The following TENM3 variants were observed in gnomAD, a reference collection of about 807,000 sequenced individuals.
TENM3 encodes the protein teneurin transmembrane protein 3.
A neutral mutation model predicts 255.1 loss-of-function variants in TENM3; 63 were observed. The ratio of observed to expected loss-of-function variants is 0.25; its 90% confidence interval spans 0.20 to 0.30. The LOEUF (loss-of-function observed/expected upper bound fraction) is 0.30. TENM3 is among the 10% of genes least tolerant of loss of function. TENM3 has a pLI of 1.00. For missense variants in TENM3, 2,929 were observed against 3,461.1 expected (o/e 0.85, Z 3.86); for synonymous variants, 1,306 against 1,322.3 (o/e 0.99, Z 0.27).
At chr4:182,719,961 T>TGG (rs1437128834) in intron 13 of TENM3, among the ~76,000 whole-genome samples, 2 of 151,972 alleles carry the variant, frequency 1.3e-5, no homozygotes, top group Non-Finnish European at 2.9e-5. Flanking sequence ...CTCAGGAGGC[T>TGG]GAGGTGGGAG....
intron 22 of TENM3, among the ~76,000 whole-genome samples, chr4:182,767,182 A>G (rs1249053690): frequency 6.6e-6 from 1 of 152,218 alleles, no homozygotes; most frequent in East Asian, 1.9e-4. Flanking sequence ...GTTAAAATAC[A>G]TAAACCATAG....
At chr4:182,775,298 G>A in intron 24 of TENM3, 145 bp downstream of exon 24, 1 of 737,432 alleles carries the variant, frequency 1.4e-6, no homozygotes, top group Non-Finnish European at 2.2e-6. Context: ...ATCCCACATG[G>A]GCCTGTTCTG....
intron 3 of TENM3, among the ~76,000 whole-genome samples, chr4:182,536,308 C>T (rs1740307404): frequency 6.6e-6 from 1 of 152,216 alleles, no homozygotes; most frequent in Non-Finnish European, 1.5e-5. Context: ...CAAATAGCCT[C>T]TCAAGTCTTT....
the TENM3 span, among the ~76,000 whole-genome samples, chr4:181,810,279 G>A: frequency 2.0e-5 from 3 of 152,130 alleles, no homozygotes; most frequent in South Asian, 6.2e-4. Context: ...AGTGTCTGCA[G>A]CCATGAAGTG....
At chr4:181,745,105 T>C in the TENM3 span, among the ~76,000 whole-genome samples, 3 of 152,120 alleles carry the variant, frequency 2.0e-5, no homozygotes, top group Admixed American at 6.6e-5. Flanking sequence ...GGTTTAAACA[T>C]GGACACCCCA....
At chr4:181,605,120 A>G in the TENM3 span, among the ~76,000 whole-genome samples, 1 of 152,202 alleles carries the variant, frequency 6.6e-6, no homozygotes, top group Non-Finnish European at 1.5e-5. Context: ...CTCATGGGGT[A>G]AAGAAAGAAA....
the TENM3 span, among the ~76,000 whole-genome samples, chr4:182,027,884 T>C: frequency 1.3e-5 from 2 of 152,306 alleles, no homozygotes; most frequent in South Asian, 2.1e-4. Context: ...CTGGTGATGA[T>C]TTTTGCATCA....
the TENM3 span, among the ~76,000 whole-genome samples, chr4:181,501,698 C>T: frequency 6.6e-6 from 1 of 152,076 alleles, no homozygotes. Context: ...TTTTTCTATG[C>T]ACAGGACCAG....
At chr4:182,197,995 C>A (rs1336836853) in intron 1 of TENM3, among the ~76,000 whole-genome samples, 1 of 152,172 alleles carries the variant, frequency 6.6e-6, no homozygotes, top group Non-Finnish European at 1.5e-5. Flanking sequence ...ATCCCAGCTA[C>A]TCAGGAGGCT....
At position 182,800,182 on chromosome 4, in the gene TENM3, A is replaced by C. The variant is rs1482899383; in HGVS notation, c.7931A>C (p.Glu2644Ala). 2.0e-6 allele frequency: 3 copies of C among 1,536,520 alleles called. No individual in the cohort carries two copies. Among genetic ancestry groups the C allele is most frequent in the Non-Finnish European group, 2.6e-6 (3 of 1,151,172 alleles). Residue 2644 changes from glutamate to alanine, a missense_variant, in exon 28 of 28, where the codon GAG becomes GCG. By Grantham distance (107) the Glu-to-Ala change is moderately radical (BLOSUM62 -1). Around this residue, in one of 6 missense-constraint regions of TENM3, gnomAD observed 476 missense variants for 480.1 expected, o/e 0.99. Coordinates refer to ENST00000511685, the MANE Select transcript of TENM3 (RefSeq NM_001080477.4). Reference sequence around the variant, plus strand: ...GAGCAGCAGCGCGTGCGCGACGGCGAGGAGGGCGCGCGCCTCTGGACGGAG... The same window carrying C: ...GAGCAGCAGCGCGTGCGCGACGGCGCGGAGGGCGCGCGCCTCTGGACGGAG... The part of the protein sequence containing the change: ...AREQQRVRDG[E>A]EGARLWTEGE...
chr4:181,664,511 C>T, the TENM3 span, among the ~76,000 whole-genome samples: 1 of 151,736 alleles, frequency 6.6e-6, no homozygotes, highest in Admixed American at 6.6e-5. Context: ...GAATCTACTG[C>T]AGAAAGCTAT....
chr4:182,263,429 G>C (rs1759001264), intron 1 of TENM3, among the ~76,000 whole-genome samples: 1 of 152,034 alleles, frequency 6.6e-6, no homozygotes, highest in South Asian at 2.1e-4. Context: ...CTTAATTCAG[G>C]GGGTTAGAGG....
At position 182,348,263 on chromosome 4, in the gene TENM3, T is replaced by C. The variant is rs578066553; in HGVS notation, c.511+1334T>C. Among the ~76,000 whole-genome samples the C allele has an allele frequency of 1.4e-4, 21 of 152,284 alleles. 1 individual carries two copies. Among genetic ancestry groups the C allele is most frequent in the African/African-American group, 5.1e-4 (21 of 41,574 alleles). ...AACAAGGACAGTTATTTTGATAAAA[T>C]GAGCCTCAGAATCAGGATGCCAACA... is the stretch of plus-strand genomic sequence containing the variant. On this transcript the variant is annotated intron_variant, in intron 3 of 27. Coordinates refer to ENST00000511685, the MANE Select transcript of TENM3 (RefSeq NM_001080477.4).
At chr4:182,377,240 A>G (rs976414316) in intron 3 of TENM3, among the ~76,000 whole-genome samples, 2 of 152,190 alleles carry the variant, frequency 1.3e-5, no homozygotes, top group African/African-American at 4.8e-5. Flanking sequence ...AAACTTTTCA[A>G]ACTCTCTTTG....
chr4:182,025,635 C>T, the TENM3 span, among the ~76,000 whole-genome samples: 2 of 152,110 alleles, frequency 1.3e-5, no homozygotes, highest in Admixed American at 6.5e-5. Context: ...TTTACATTCC[C>T]ACCAACAGTT....
At chr4:181,960,708 T>G in the TENM3 span, among the ~76,000 whole-genome samples, 1 of 152,164 alleles carries the variant, frequency 6.6e-6, no homozygotes, top group Non-Finnish European at 1.5e-5. Context: ...ACACTATAAC[T>G]CTAACAGACA....
At chr4:182,604,126 T>C (rs912919282) in intron 4 of TENM3, among the ~76,000 whole-genome samples, 1 of 152,178 alleles carries the variant, frequency 6.6e-6, no homozygotes, top group African/African-American at 2.4e-5. Context: ...CTTGCTTCCA[T>C]AAAAATGTTT....
chr4:181,531,667 T>A, the TENM3 span, among the ~76,000 whole-genome samples: 15 of 152,286 alleles, frequency 9.8e-5, no homozygotes, highest in Non-Finnish European at 1.9e-4. Flanking sequence ...AGAAAGACAT[T>A]AAACAAATAA....
chr4:181,486,745 C>T, the TENM3 span, among the ~76,000 whole-genome samples: 1 of 152,054 alleles, frequency 6.6e-6, no homozygotes, highest in Non-Finnish European at 1.5e-5. Context: ...AAAATTCGTT[C>T]TAGGTTAAAC....
Sources: gnomAD v4.1 joint callset for allele counts (sites outside exome capture counted in the v4.1 genomes callset) on GRCh38, gnomAD v4.1.1 for gene constraint, gnomAD v4.1.1 regional missense constraint, MANE v1.5 for transcripts, NCBI Gene and HGNC (gene_info 2026-07-23, HGNC 2026-07-21) for gene names.